The following ZNF493 variants were observed in gnomAD, a reference collection of about 807,000 sequenced individuals.
The protein encoded by ZNF493 is zinc finger protein 493.
Under a neutral mutation model 12.2 loss-of-function variants are expected in ZNF493, and 11 were observed. The observed-to-expected ratio is 0.90, with a 90% CI of 0.57 to 1.50. The LOEUF is 1.50. Ranked by LOEUF, ZNF493 falls within the 40% of genes most tolerant of loss-of-function variation. The pLI, the probability that ZNF493 is intolerant of heterozygous loss-of-function variation, is 0.00. For missense variants in ZNF493, 950 were observed against 906.6 expected, an observed-to-expected ratio of 1.05 and a Z score of -0.61; for synonymous variants, 286 against 302.6, an observed-to-expected ratio of 0.95 and a Z score of 0.57.
At position 21,422,857 on chromosome 19, in the gene ZNF493, TC is replaced by T. The variant is rs1225510095; in HGVS notation, c.254-55del. On this transcript the variant is annotated intron_variant, in intron 3 of 3. Transcript: ENST00000392288. ...ATAATATTATAGTTTAGATTTGTAA[TC>T]TATATTTATCTGAGTCTAGTAAGTG... 6 of 1,411,696 alleles carry T rather than the reference TC, an allele frequency of 4.3e-6. No homozygotes were observed. In the African/African-American group the frequency reaches 8.6e-5, roughly 20 times the overall value. 87.4% of individuals were successfully genotyped at this position (1,411,696 alleles called of 1,614,324 possible). A position where few individuals can be genotyped will look rare whatever the true frequency, so the allele number is the denominator to read the frequency against.
rs2030749173 is a variant in ZNF493 at position 21,423,525 on chromosome 19, G to C, written c.866G>C (p.Arg289Thr). The C allele has an allele frequency of 1.2e-6, 2 of 1,613,426 alleles. No individual in the cohort carries two copies. Among genetic ancestry groups the C allele is most frequent in the Non-Finnish European group, 1.7e-6 (2 of 1,179,764 alleles). ...ACTAGGCATAAGCTAATTCATACTA[G>C]AGAGAAACCCTATAAATGTGAACAA... ...YLTRHKLIHTREKPYKCEQYG... is the reference protein window; with the variant it reads ...YLTRHKLIHTTEKPYKCEQYG... The change falls in exon 4 of 4, where the codon AGA becomes ACA. Residue 289 changes from arginine to threonine, a missense_variant. By Grantham distance (71) the Arg-to-Thr change is moderately conservative. Coordinates refer to ENST00000392288, the MANE Select transcript of ZNF493 (RefSeq NM_001076678.3).
chr19:21,415,526 C>T (rs8112786), intron 3 of ZNF493, among the ~76,000 whole-genome samples: 3,714 of 152,154 alleles, frequency 0.024, 99 homozygotes, highest in African/African-American at 0.051. Context: ...TTGTCAGGAG[C>T]CATAAGTAAA....
intron 3 of ZNF493, among the ~76,000 whole-genome samples, chr19:21,420,167 A>T (rs1353982257): frequency 6.6e-6 from 1 of 152,118 alleles, no homozygotes; most frequent in Non-Finnish European, 1.5e-5. Context: ...CCTGATTATA[A>T]TCTCTTCTGC....
intron 1 of ZNF493, among the ~76,000 whole-genome samples, chr19:21,402,159 G>A (rs1444171396): frequency 2.0e-5 from 3 of 151,680 alleles, no homozygotes; most frequent in Non-Finnish European, 4.4e-5. Context: ...AGTAGAGATG[G>A]GGTTTCGCTG....
At chr19:21,401,073 T>G (rs1178744064) in intron 1 of ZNF493, among the ~76,000 whole-genome samples, 2 of 152,212 alleles carry the variant, frequency 1.3e-5, no homozygotes. Flanking sequence ...GTTCATTTTG[T>G]ATGTTGGCTG....
Position 21,397,259 on chromosome 19 carries a change from C to T in ZNF493, c.22C>T (p.Leu8=). Residue 8 remains leucine, a synonymous_variant, in exon 1 of 4, where the codon CTA becomes TTA. Transcript: ENST00000392288. ...TAAGATGCCAGGACCCCCTGAAAGC[C>T]TAGACATGGTGAGAGTGCTGGGTCC... MPGPPES[L]DMGPLTFRDV... 6.2e-7 allele frequency: 1 copy of T among 1,614,202 alleles called. No individual in the cohort carries two copies.
Position 21,410,786 on chromosome 19 carries a change from T to C in ZNF493, c.253+4930T>C, listed in dbSNP as rs12979960. On this transcript the variant is annotated intron_variant, in intron 3 of 3. Transcript: ENST00000392288. Reference sequence around the variant, plus strand: ...ACTTTTTCATGTCTAAGTTTTTTTGTTTTTGTTTTTGTTTTTGTTTTTTGA... The same window carrying C: ...ACTTTTTCATGTCTAAGTTTTTTTGCTTTTGTTTTTGTTTTTGTTTTTTGA... Among the ~76,000 whole-genome samples the C allele has an allele frequency of 2.0e-5, 3 of 151,874 alleles. No individual in the cohort carries two copies. In the South Asian group the frequency reaches 6.3e-4, roughly 32 times the overall value.
At chr19:21,404,003 T>C (rs1048096176) in intron 1 of ZNF493, among the ~76,000 whole-genome samples, 1 of 152,184 alleles carries the variant, frequency 6.6e-6, no homozygotes, top group African/African-American at 2.4e-5. Flanking sequence ...GGCGGAAAGC[T>C]GGGGTCCTTA....
intron 1 of ZNF493, among the ~76,000 whole-genome samples, chr19:21,403,389 T>G (rs565808020): frequency 1.2e-4 from 18 of 152,238 alleles, no homozygotes; most frequent in Non-Finnish European, 2.6e-4. Flanking sequence ...TGCTGGTGTT[T>G]GTGGCAAGGG....
chr19:21,397,460 C>A, intron 1 of ZNF493, 193 bp downstream of exon 1: 2 of 693,022 alleles, frequency 2.9e-6, no homozygotes, highest in Admixed American at 4.5e-5. Context: ...GGGCCCCGGG[C>A]GTCCTGTCTC....
chr19:21,422,762 A>G (rs2030718398), intron 3 of ZNF493, 151 bp from the exon 4 acceptor site: 2 of 644,722 alleles, frequency 3.1e-6, no homozygotes, highest in East Asian at 6.2e-5. Flanking sequence ...TTTGGTTAGT[A>G]TGTTTTCATT....
At chr19:21,400,091 T>A (rs1239033817) in intron 1 of ZNF493, among the ~76,000 whole-genome samples, 1 of 152,132 alleles carries the variant, frequency 6.6e-6, no homozygotes, top group East Asian at 1.9e-4. Flanking sequence ...AAATAGATAC[T>A]TTTGCTTTTC....
chr19:21,423,336 C>G lies in ZNF493; in HGVS notation c.677C>G (p.Thr226Ser). The G allele has an allele frequency of 1.2e-6, 2 of 1,613,680 alleles. No individual in the cohort carries two copies. The highest frequency in any genetic ancestry group is 2.2e-5 in the South Asian group (2 of 91,070). Residue 226 changes from threonine to serine, a missense_variant, in exon 4 of 4, where the codon ACT becomes AGT. Thr to Ser is a moderately conservative substitution (Grantham distance 58). Transcript: ENST00000392288. ...GCCTTTATCTGGTTTTCAACCCTTA[C>G]TAGACACAGGAGAGTTCATACTGGA... ...GKAFIWFSTL[T>S]RHRRVHTGEK...
intron 3 of ZNF493, among the ~76,000 whole-genome samples, chr19:21,422,167 C>T (rs1403675170): frequency 6.6e-6 from 1 of 152,052 alleles, no homozygotes; most frequent in African/African-American, 2.4e-5. Flanking sequence ...TTTCTTAATA[C>T]TCAGTAATCA....
In ZNF493 at chr19:21,427,508, G is replaced by T. The variant is rs987895734; in HGVS notation, c.*2524G>T. 6.6e-6 allele frequency: 1 copy of T among 151,864 alleles called. No homozygotes were observed. Among genetic ancestry groups the T allele is most frequent in the South Asian group, 2.1e-4 (1 of 4,822 alleles). 9.4% of individuals were successfully genotyped at this position (151,864 alleles called of 1,614,324 possible). A position where few individuals can be genotyped will look rare whatever the true frequency, so the allele number is the denominator to read the frequency against. On this transcript the variant is annotated 3_prime_UTR_variant, in exon 4 of 4. Coordinates refer to ENST00000392288, the MANE Select transcript of ZNF493 (RefSeq NM_001076678.3). ...AAAAAATTTTAAATTCTGTGTGAAG[G>T]TAACTGTTTCAACATTTTTAACATG...
Position 21,426,960 on chromosome 19 carries a change from GA to G in ZNF493, c.*1982del, listed in dbSNP as rs771364700. ...ATATTCGGATTATACTTTGTTTCTT[GA>G]AAAAATTACAGATTTTTTGAAAAGC... On this transcript the variant is annotated 3_prime_UTR_variant, in exon 4 of 4. Transcript: ENST00000392288. The G allele has an allele frequency of 1.6e-3, 269 of 166,954 alleles. No homozygotes were observed. The highest frequency in any genetic ancestry group is 3.1e-3 in the Non-Finnish European group (212 of 68,030). The allele number at this position is 166,954 out of a possible 1,614,324, so 10.3% of individuals were successfully genotyped here.
chr19:21,414,698 C>A (rs564674052), intron 3 of ZNF493: 2 of 152,160 alleles, frequency 1.3e-5, no homozygotes, highest in Admixed American at 6.5e-5. Context: ...GCAGTCAATA[C>A]CTCAATTGCA....
rs375504914 is a variant in ZNF493 at position 21,411,169 on chromosome 19, G to T, written c.253+5313G>T. Reference sequence around the variant, plus strand: ...GTAACTGTATTTCATCAGTGTTGATGTTTTTAACATTATTTTTTGAGAAAA... The same window carrying T: ...GTAACTGTATTTCATCAGTGTTGATTTTTTTAACATTATTTTTTGAGAAAA... On this transcript the variant is annotated intron_variant, in intron 3 of 3. Coordinates refer to ENST00000392288, the MANE Select transcript of ZNF493 (RefSeq NM_001076678.3). 2.5e-4 allele frequency among the ~76,000 whole-genome samples: 38 copies of T among 152,186 alleles called. No homozygotes were observed. The South Asian group carries it at 6.6e-3, about 27-fold the overall frequency.
intron 2 of ZNF493, 36 bp from the exon 3 acceptor site, chr19:21,405,725 G>A (rs1273460046): frequency 1.3e-6 from 2 of 1,562,500 alleles, no homozygotes; most frequent in African/African-American, 2.7e-5. Flanking sequence ...TAGAGAATAT[G>A]AGCAAGATTC....
Sources: allele counts gnomAD v4.1 joint callset (sites outside exome capture counted in the v4.1 genomes callset), GRCh38; gene constraint gnomAD v4.1.1; transcripts MANE v1.5; gene names NCBI Gene and HGNC (gene_info 2026-07-23, HGNC 2026-07-21).